The following KIRREL3 variants were observed in gnomAD, a reference collection of about 807,000 sequenced individuals.
KIRREL3 encodes kin of IRRE-like protein 3.
In KIRREL3, 36 loss-of-function variants were observed where a neutral mutation model predicts 89.7. That is an observed-to-expected ratio of 0.40 (90% CI 0.31 to 0.53). KIRREL3 has a LOEUF of 0.53. KIRREL3 is among the 20% of genes least tolerant of loss of function. The pLI is 0.49. For missense variants in KIRREL3, 864 were observed against 1,056.6 expected (o/e 0.82, Z 2.53); for synonymous variants, 445 against 441.4 (o/e 1.01, Z -0.10).
rs1033626963 is a variant in KIRREL3 at position 126,427,139 on chromosome 11, C to A, written c.1807-1415G>T. On this transcript the variant is annotated intron_variant, in intron 15 of 16. Coordinates refer to ENST00000525144, the MANE Select transcript of KIRREL3 (RefSeq NM_032531.4). The surrounding 1 kb of genome is among the most constrained non-coding windows in gnomAD (Gnocchi z 5.3). ...GCCGATGGGAGAGAATTCAAGGTCC[C>A]GTTTGGGATGAAGGACACACATGAT... Among the ~76,000 whole-genome samples, 1 of 152,102 alleles carries A rather than the reference C, an allele frequency of 6.6e-6. No individual in the cohort carries two copies.
chr11:126,532,618 T>G (rs1205302809), intron 2 of KIRREL3, among the ~76,000 whole-genome samples: 1 of 152,120 alleles, frequency 6.6e-6, no homozygotes, highest in Non-Finnish European at 1.5e-5. Flanking sequence ...TCAAGTGATC[T>G]GCCCACCTCG....
At chr11:126,804,515 G>C (rs987014319) in intron 1 of KIRREL3, among the ~76,000 whole-genome samples, 1 of 152,198 alleles carries the variant, frequency 6.6e-6, no homozygotes, top group East Asian at 1.9e-4. Flanking sequence ...CTTGTGGGAA[G>C]ATGTCAGCAG....
At chr11:126,951,977 T>A (rs899159977) in intron 1 of KIRREL3, among the ~76,000 whole-genome samples, 2 of 152,202 alleles carry the variant, frequency 1.3e-5, no homozygotes, top group African/African-American at 4.8e-5. Flanking sequence ...AGATCCATGA[T>A]GAGCCAGAGT....
intron 1 of KIRREL3, among the ~76,000 whole-genome samples, chr11:126,888,973 A>T (rs1945802141): frequency 6.6e-6 from 1 of 152,204 alleles, no homozygotes; most frequent in Admixed American, 6.5e-5. Flanking sequence ...GTCCACGGAG[A>T]TTAAGATCCC....
Position 126,814,724 on chromosome 11 carries a change from C to A in KIRREL3, c.55+185731G>T, listed in dbSNP as rs1428310717. Reference sequence around the variant, plus strand: ...CTAAGTAGGAGCTGAACAGTGAGAACACGTGGACACAGGGAGGGGAACAAC... The same window carrying A: ...CTAAGTAGGAGCTGAACAGTGAGAAAACGTGGACACAGGGAGGGGAACAAC... On this transcript the variant is annotated intron_variant, in intron 1 of 16. Transcript: ENST00000525144. This position sits in a 1 kb window ranked among gnomAD's most constrained non-coding sequence, Gnocchi z 4.4. 6.6e-6 allele frequency among the ~76,000 whole-genome samples: 1 copy of A among 152,088 alleles called. No homozygotes were observed. The highest frequency in any genetic ancestry group is 6.5e-5 in the Admixed American group (1 of 15,278).
intron 1 of KIRREL3, among the ~76,000 whole-genome samples, chr11:126,950,298 C>T (rs1325911300): frequency 7.9e-5 from 12 of 152,100 alleles, no homozygotes; most frequent in Admixed American, 1.3e-4. Context: ...ACCTGGGAGA[C>T]GGAGATTGCA....
intron 4 of KIRREL3, among the ~76,000 whole-genome samples, chr11:126,487,599 TG>T (rs2134325992): frequency 6.6e-6 from 1 of 152,276 alleles, no homozygotes; most frequent in East Asian, 1.9e-4. Context: ...CTTCTTTTTT[TG>T]TTTTTTCTCA....
chr11:126,906,936 G>T lies in KIRREL3; in HGVS notation c.55+93519C>A, dbSNP rs1793654. 0.33 allele frequency among the ~76,000 whole-genome samples: 49,993 copies of T among 152,096 alleles called. 8,763 individuals are homozygous for T. Among genetic ancestry groups the T allele is most frequent in the Middle Eastern group, 0.55 (163 of 294 alleles). ...TGATAAAGAAAAAGCATTTAGAAAG[G>T]TTCATTGTTTAGATATTGAAAGACA... On this transcript the variant is annotated intron_variant, in intron 1 of 16. Transcript: ENST00000525144. The surrounding 1 kb of genome is among the most constrained non-coding windows in gnomAD (Gnocchi z 4.1).
rs987215092 is a variant in KIRREL3, at chr11:126,943,662, A to G, written c.55+56793T>C. On this transcript the variant is annotated intron_variant, in intron 1 of 16. Transcript: ENST00000525144. The surrounding 1 kb of genome is among the most constrained non-coding windows in gnomAD (Gnocchi z 4.2). ...AGGGAAAGGGCATGACTGCAGGGTC[A>G]CCAGGGCCAGAATGACTGATGTGAG... 6.6e-6 allele frequency among the ~76,000 whole-genome samples: 1 copy of G among 152,198 alleles called. No homozygotes were observed. Among genetic ancestry groups the G allele is most frequent in the Non-Finnish European group, 1.5e-5 (1 of 68,034 alleles).
At chr11:126,440,208 G>C (rs527555875) in intron 11 of KIRREL3, 6 of 689,412 alleles carry the variant, frequency 8.7e-6, no homozygotes, top group South Asian at 7.5e-5. Context: ...GGTCAGAGCC[G>C]TTCATGTCAG....
rs973423770 is a variant in KIRREL3 at position 126,463,197 on chromosome 11, G to T, written c.702C>A (p.Ile234=). The T allele has an allele frequency of 6.2e-7, 1 of 1,613,956 alleles. No individual in the cohort carries two copies. Among genetic ancestry groups the T allele is most frequent in the African/African-American group, 1.3e-5 (1 of 75,048 alleles). The part of the protein sequence containing the change: ...SIVCRATNKA[I]PGGKETSVTI... Reference sequence around the variant, plus strand: ...TGACCGACGTCTCCTTTCCTCCGGGGATGGCTTTGTTGGTGGCACGACACA... The same window carrying T: ...TGACCGACGTCTCCTTTCCTCCGGGTATGGCTTTGTTGGTGGCACGACACA... The change falls in exon 6 of 17, where the codon ATC becomes ATA. Residue 234 remains isoleucine (I), a synonymous_variant. Transcript: ENST00000525144. This position sits in a 1 kb window ranked among gnomAD's most constrained non-coding sequence, Gnocchi z 5.9.
At position 126,551,602 on chromosome 11, in the gene KIRREL3, C is replaced by T. The variant is rs1274752865; in HGVS notation, c.133+11233G>A. ...TGATCATTTAACAATTAGTCCAGTG[C>T]ACTGTATTGCATGAATGTCTCCCAG... On this transcript the variant is annotated intron_variant, in intron 2 of 16. Transcript: ENST00000525144. This position sits in a 1 kb window ranked among gnomAD's most constrained non-coding sequence, Gnocchi z 4.9. 6.6e-6 allele frequency among the ~76,000 whole-genome samples: 1 copy of T among 151,782 alleles called. No homozygotes were observed. Among genetic ancestry groups the T allele is most frequent in the African/African-American group, 2.4e-5 (1 of 41,274 alleles).
chr11:126,452,322 G>T (rs1477240503), intron 7 of KIRREL3, among the ~76,000 whole-genome samples: 1 of 152,202 alleles, frequency 6.6e-6, no homozygotes, highest in Admixed American at 6.5e-5. Context: ...GAGTCAGGCC[G>T]GCCCCTGCCT....
chr11:126,996,398 C>A lies in KIRREL3; in HGVS notation c.55+4057G>T, dbSNP rs1383493655. 6.6e-6 allele frequency among the ~76,000 whole-genome samples: 1 copy of A among 152,136 alleles called. No homozygotes were observed. Among genetic ancestry groups the A allele is most frequent in the Non-Finnish European group, 1.5e-5 (1 of 68,022 alleles). Reference sequence around the variant, plus strand: ...TTTGCTGATTCCTTCTCTGCCTGTACCCCCTATGATCCCTCCATTCTTTAG... The same window carrying A: ...TTTGCTGATTCCTTCTCTGCCTGTAACCCCTATGATCCCTCCATTCTTTAG... On this transcript the variant is annotated intron_variant, in intron 1 of 16. Coordinates refer to ENST00000525144, the MANE Select transcript of KIRREL3 (RefSeq NM_032531.4). This position sits in a 1 kb window ranked among gnomAD's most constrained non-coding sequence, Gnocchi z 4.7.
rs1948959780 is a variant in KIRREL3, at chr11:126,740,916, G to A, written c.56-178004C>T. Among the ~76,000 whole-genome samples, 1 of 152,168 alleles carries A rather than the reference G, an allele frequency of 6.6e-6. No individual in the cohort carries two copies. The highest frequency in any genetic ancestry group is 1.5e-5 in the Non-Finnish European group (1 of 68,036). ...ATGAGAGTCCCCCATGGTAGAGTGAGTGACAAGGTTCTTGGAAATATCATC... is the reference window on the plus strand; with the variant it reads ...ATGAGAGTCCCCCATGGTAGAGTGAATGACAAGGTTCTTGGAAATATCATC... On this transcript the variant is annotated intron_variant, in intron 1 of 16. Coordinates refer to ENST00000525144, the MANE Select transcript of KIRREL3 (RefSeq NM_032531.4). The surrounding 1 kb of genome is among the most constrained non-coding windows in gnomAD (Gnocchi z 6.0).
rs1313420485 is a variant in KIRREL3, at chr11:126,606,399, A to G, written c.56-43487T>C. ...AATACGGGGAAATAATACCTAACTCATGGAGCTGTGAGGAGTGAGCAGATT... is the reference window on the plus strand; with the variant it reads ...AATACGGGGAAATAATACCTAACTCGTGGAGCTGTGAGGAGTGAGCAGATT... On this transcript the variant is annotated intron_variant, in intron 1 of 16. Transcript: ENST00000525144. The surrounding 1 kb of genome is among the most constrained non-coding windows in gnomAD (Gnocchi z 4.6). Among the ~76,000 whole-genome samples, 1 of 152,156 alleles carries G rather than the reference A, an allele frequency of 6.6e-6. No individual in the cohort carries two copies. The highest frequency in any genetic ancestry group is 1.9e-4 in the East Asian group (1 of 5,188).
At position 126,653,962 on chromosome 11, in the gene KIRREL3, G is replaced by T. The variant is rs541247362; in HGVS notation, c.56-91050C>A. ...GAAGGTGATACCACTTCTGCCTAGAGGGTGACCCCCACGCCCAGCACATAT... is the reference window on the plus strand; with the variant it reads ...GAAGGTGATACCACTTCTGCCTAGATGGTGACCCCCACGCCCAGCACATAT... On this transcript the variant is annotated intron_variant, in intron 1 of 16. Coordinates refer to ENST00000525144, the MANE Select transcript of KIRREL3 (RefSeq NM_032531.4). The surrounding 1 kb of genome is among the most constrained non-coding windows in gnomAD (Gnocchi z 5.4). 4.6e-5 allele frequency among the ~76,000 whole-genome samples: 7 copies of T among 152,282 alleles called. No individual in the cohort carries two copies. In the East Asian group the frequency reaches 1.2e-3, roughly 25 times the overall value.
chr11:126,646,663 C>T (rs182110813), intron 1 of KIRREL3, among the ~76,000 whole-genome samples: 8 of 151,924 alleles, frequency 5.3e-5, no homozygotes, highest in South Asian at 2.1e-4. Flanking sequence ...TTAGTAGAGA[C>T]GGGGTTTCAC....
intron 1 of KIRREL3, among the ~76,000 whole-genome samples, chr11:126,982,976 G>T (rs949968773): frequency 6.6e-6 from 1 of 152,152 alleles, no homozygotes; most frequent in Non-Finnish European, 1.5e-5. Context: ...TAATAGATGT[G>T]CCTGCTAATC....
Sources: gnomAD v4.1 joint callset for allele counts (sites outside exome capture counted in the v4.1 genomes callset) on GRCh38, gnomAD v4.1.1 for gene constraint, Gnocchi (gnomAD v3.1) non-coding constraint, MANE v1.5 for transcripts, NCBI Gene and HGNC (gene_info 2026-07-23, HGNC 2026-07-21) for gene names.